TNNI3K: variants seen among roughly 807,000 people sequenced by gnomAD.
TNNI3K encodes the protein serine/threonine-protein kinase TNNI3K.
In TNNI3K, 140 loss-of-function variants were observed where a neutral mutation model predicts 114.5. That is an observed-to-expected ratio of 1.22 (90% CI 1.07 to 1.41). TNNI3K has a LOEUF of 1.41. Among genes scored for constraint, TNNI3K ranks in the 40% most tolerant of loss-of-function variants. The pLI is 0.00. For missense variants in TNNI3K, 1,125 were observed against 1,007.6 expected (o/e 1.12, Z -1.58); for synonymous variants, 347 against 347.5 (o/e 1.00, Z 0.02).
At chr1:74,491,049 AGTTGTGTCTGTGAGCCTTTT>A (rs1669046845) in intron 22 of TNNI3K, among the ~76,000 whole-genome samples, 1 of 152,212 alleles carries the variant, frequency 6.6e-6, no homozygotes, top group South Asian at 2.1e-4. Context: ...AGTGGTATCC[AGTTGTGTCTGTGAGCCTTTT>A]AAAGGAATAA....
chr1:74,409,492 C>CTTTT (rs540218540), intron 17 of TNNI3K, among the ~76,000 whole-genome samples: 6 of 124,908 alleles, frequency 4.8e-5, no homozygotes, highest in Non-Finnish European at 8.4e-5. Context: ...CTATTTGTTT[C>CTTTT]TTTTTTTTTT....
chr1:74,441,676 A>G (rs1666380670), intron 20 of TNNI3K, among the ~76,000 whole-genome samples: 1 of 152,072 alleles, frequency 6.6e-6, no homozygotes, highest in African/African-American at 2.4e-5. Flanking sequence ...ATATATATGT[A>G]TATATTAGGC....
At chr1:74,409,288 A>T (rs375979598) in intron 17 of TNNI3K, among the ~76,000 whole-genome samples, 2 of 152,136 alleles carry the variant, frequency 1.3e-5, no homozygotes, top group Non-Finnish European at 2.9e-5. Context: ...CCCCGCTGTT[A>T]TGACAAAGAG....
rs1378327989 is a variant in TNNI3K at position 74,530,665 on chromosome 1, GA to G, written c.2352-9565del. ...TCCTTCTTGGTAAGATGGTAGGTGGGAAAATGAGGAAGTGAGGAGTGGGCCT... is the reference window on the plus strand; with the variant it reads ...TCCTTCTTGGTAAGATGGTAGGTGGGAAATGAGGAAGTGAGGAGTGGGCCT... On this transcript the variant is annotated intron_variant, in intron 23 of 24. Coordinates refer to ENST00000326637, the MANE Select transcript of TNNI3K (RefSeq NM_015978.3). Among the ~76,000 whole-genome samples, 4 of 152,080 alleles carry G rather than the reference GA, an allele frequency of 2.6e-5. No individual in the cohort carries two copies. In the East Asian group the frequency reaches 7.7e-4, roughly 29 times the overall value.
At chr1:74,264,164 C>CTT (rs1030244902) in intron 4 of TNNI3K, among the ~76,000 whole-genome samples, 1 of 145,660 alleles carries the variant, frequency 6.9e-6, no homozygotes. Context: ...CTCTTTTTTT[C>CTT]TTTTTTTTTT....
At chr1:74,449,673 G>A (rs1369688271) in intron 20 of TNNI3K, among the ~76,000 whole-genome samples, 8 of 151,468 alleles carry the variant, frequency 5.3e-5, no homozygotes, top group African/African-American at 1.9e-4. Flanking sequence ...ATTACATAAT[G>A]GTAAAGGGAT....
intron 20 of TNNI3K, among the ~76,000 whole-genome samples, chr1:74,446,130 G>A (rs1361886464): frequency 6.6e-6 from 1 of 152,026 alleles, no homozygotes; most frequent in Non-Finnish European, 1.5e-5. Flanking sequence ...CTTCCACAAT[G>A]GTTTAACTAG....
intron 17 of TNNI3K, among the ~76,000 whole-genome samples, chr1:74,379,339 A>G (rs991415202): frequency 3.0e-3 from 413 of 138,836 alleles, no homozygotes; most frequent in African/African-American, 8.4e-3. Flanking sequence ...ACGCGCGCAC[A>G]CACACACACA....
chr1:74,486,085 T>A (rs1401379050), intron 21 of TNNI3K, among the ~76,000 whole-genome samples: 3 of 152,078 alleles, frequency 2.0e-5, no homozygotes, highest in Non-Finnish European at 4.4e-5. Context: ...AAACAATAAC[T>A]AATACACTCC....
chr1:74,259,612 A>C (rs1487314702), intron 4 of TNNI3K, among the ~76,000 whole-genome samples: 1 of 152,098 alleles, frequency 6.6e-6, no homozygotes, highest in African/African-American at 2.4e-5. Flanking sequence ...GTCTCTACTA[A>C]AAATACAAAA....
At chr1:74,269,794 C>G (rs1441645599) in intron 4 of TNNI3K, among the ~76,000 whole-genome samples, 1 of 151,672 alleles carries the variant, frequency 6.6e-6, no homozygotes, top group African/African-American at 2.4e-5. Flanking sequence ...GAAGTCAGGA[C>G]CAAAGATGCA....
At position 74,449,206 on chromosome 1, in the gene TNNI3K, A is replaced by G. The variant is rs1432058368; in HGVS notation, c.2011+9584A>G. Among the ~76,000 whole-genome samples, 5 of 152,000 alleles carry G rather than the reference A, an allele frequency of 3.3e-5. No individual in the cohort carries two copies. The East Asian group carries it at 9.7e-4, about 30-fold the overall frequency. ...TTTAGTCTTTGGAGAGTGTATGTGTAGAGGAATTTATCCATTTCTTCTAGA... is the reference window on the plus strand; with the variant it reads ...TTTAGTCTTTGGAGAGTGTATGTGTGGAGGAATTTATCCATTTCTTCTAGA... On this transcript the variant is annotated intron_variant, in intron 20 of 24. Coordinates refer to ENST00000326637, the MANE Select transcript of TNNI3K (RefSeq NM_015978.3).
intron 17 of TNNI3K, among the ~76,000 whole-genome samples, chr1:74,383,518 G>A (rs907297108): frequency 6.6e-6 from 1 of 151,904 alleles, no homozygotes. Context: ...GCTTCTTGCA[G>A]GAAGCCCTCC....
intron 9 of TNNI3K, among the ~76,000 whole-genome samples, chr1:74,350,896 C>T (rs1308787949): frequency 6.6e-6 from 1 of 151,656 alleles, no homozygotes; most frequent in African/African-American, 2.4e-5. Flanking sequence ...ATACAGCACA[C>T]TGATGTGTCT....
chr1:74,240,492 C>T (rs1654122476), intron 2 of TNNI3K: 1 of 152,142 alleles, frequency 6.6e-6, no homozygotes, highest in Non-Finnish European at 1.5e-5. Flanking sequence ...TATGATTTAC[C>T]TAGGATTGCA....
intron 5 of TNNI3K, among the ~76,000 whole-genome samples, chr1:74,329,810 A>G (rs1660102643): frequency 6.6e-6 from 1 of 152,038 alleles, no homozygotes; most frequent in Non-Finnish European, 1.5e-5. Flanking sequence ...TTTGATATGT[A>G]ATGTCCACAG....
intron 23 of TNNI3K, among the ~76,000 whole-genome samples, chr1:74,522,216 A>T (rs1449473361): frequency 6.6e-6 from 1 of 152,220 alleles, no homozygotes. Flanking sequence ...ATACAAGGTT[A>T]TAGACTCAGG....
chr1:74,384,256 C>G (rs761298154), intron 17 of TNNI3K, among the ~76,000 whole-genome samples: 1 of 152,142 alleles, frequency 6.6e-6, no homozygotes, highest in African/African-American at 2.4e-5. Flanking sequence ...CCACAAGTCA[C>G]TTCTCTGGCT....
intron 17 of TNNI3K, 149 bp from the exon 18 acceptor site, chr1:74,435,931 C>T: frequency 7.4e-6 from 7 of 951,036 alleles, no homozygotes; most frequent in Non-Finnish European, 1.1e-5. Flanking sequence ...ATCAGCAAAA[C>T]TAAAAAATTT....
Sources: gnomAD v4.1 joint callset for allele counts (sites outside exome capture counted in the v4.1 genomes callset) on GRCh38, gnomAD v4.1.1 for gene constraint, MANE v1.5 for transcripts, NCBI Gene and HGNC (gene_info 2026-07-23, HGNC 2026-07-21) for gene names.